LETM2: variants seen among roughly 807,000 people sequenced by gnomAD.
The protein encoded by LETM2 is LETM1 domain-containing protein LETM2, mitochondrial.
In LETM2, 58 loss-of-function variants were observed where a neutral mutation model predicts 59.6. The observed-to-expected ratio is 0.97, with a 90% CI of 0.79 to 1.21. The LOEUF (loss-of-function observed/expected upper bound fraction) is 1.21, where lower values mean the gene tolerates loss of function less well. Ranked by LOEUF, LETM2 falls within the 50% of genes most tolerant of loss-of-function variation. LETM2 has a pLI of 0.00. For synonymous variants in LETM2, 199 were observed against 214.1 expected (o/e 0.93, Z 0.62); for missense variants, 572 against 575.7 (o/e 0.99, Z 0.07).
At chr8:38,402,389 C>A in intron 6 of LETM2, 136 bp from the exon 7 acceptor site, 1 of 856,784 alleles carries the variant, frequency 1.2e-6, no homozygotes, top group Non-Finnish European at 1.8e-6. Context: ...CTCCCTACGT[C>A]GCCTTTGCAG....
intron 4 of LETM2, among the ~76,000 whole-genome samples, chr8:38,399,006 C>T (rs1179901074): frequency 6.6e-6 from 1 of 151,780 alleles, no homozygotes; most frequent in Non-Finnish European, 1.5e-5. Flanking sequence ...CAGGTGTGAG[C>T]CACCTCATCC....
intron 4 of LETM2, among the ~76,000 whole-genome samples, chr8:38,397,942 C>T (rs938108758): frequency 6.6e-6 from 1 of 152,052 alleles, no homozygotes; most frequent in Non-Finnish European, 1.5e-5. Flanking sequence ...GAGCTCAGTA[C>T]GAGCCTGGCC....
At chr8:38,394,024 T>G in intron 3 of LETM2, 74 bp from the exon 4 acceptor site, 1 of 1,176,064 alleles carries the variant, frequency 8.5e-7, no homozygotes, top group Non-Finnish European at 1.1e-6. Flanking sequence ...CAGGGTTTTT[T>G]TGGTTTTGTT....
At chr8:38,384,026 T>C (rs1227822165), upstream of LETM2, among the ~76,000 whole-genome samples, 3 of 152,132 alleles carry the variant, frequency 2.0e-5, no homozygotes, top group Admixed American at 2.0e-4. Flanking sequence ...AGTAAAAGCA[T>C]ACTTTTTATT....
In LETM2 at chr8:38,402,776, A is replaced by T. The variant is rs1260026936; in HGVS notation, c.1104+132A>T. 1.1e-5 allele frequency: 9 copies of T among 845,986 alleles called. No homozygotes were observed. In the Admixed American group the frequency reaches 2.0e-4, roughly 19 times the overall value. The allele number at this position is 845,986 out of a possible 1,614,324, so 52.4% of individuals were successfully genotyped here. Reference sequence around the variant, plus strand: ...TTGCCTTATTTCATTGAGCAGTGGGATGCTGAAGGACTAGGTTGATTTTTC... The same window carrying T: ...TTGCCTTATTTCATTGAGCAGTGGGTTGCTGAAGGACTAGGTTGATTTTTC... On this transcript the variant is annotated intron_variant, in intron 7 of 10. Transcript: ENST00000379957.
intron 2 of LETM2, among the ~76,000 whole-genome samples, chr8:38,391,618 A>T (rs978248695): frequency 2.0e-5 from 3 of 151,758 alleles, no homozygotes; most frequent in Admixed American, 2.0e-4. Flanking sequence ...AAACAATCTG[A>T]TATGGTAGTT....
intron 2 of LETM2, among the ~76,000 whole-genome samples, chr8:38,388,492 C>T (rs373228949): frequency 1.2e-4 from 18 of 149,808 alleles, no homozygotes; most frequent in South Asian, 2.2e-4. Flanking sequence ...GAGGCCAAGG[C>T]GAGCGGATTG....
Position 38,407,355 on chromosome 8 carries a change from G to GT in LETM2, c.1312-4dup, listed in dbSNP as rs1813810766. 4 of 1,593,024 alleles carry GT rather than the reference G, an allele frequency of 2.5e-6. No individual in the cohort carries two copies. The South Asian group carries it at 4.4e-5, about 18-fold the overall frequency. ...CAGTAACCCAACTCTCAGTTCTGATGTTTAAGGATGAAGACTTTATACAGC... is the reference window on the plus strand; with the variant it reads ...CAGTAACCCAACTCTCAGTTCTGATGTTTTAAGGATGAAGACTTTATACAGC... On this transcript the variant is annotated splice_polypyrimidine_tract_variant and splice_region_variant and intron_variant, in intron 9 of 10. Coordinates refer to ENST00000379957, the MANE Select transcript of LETM2 (RefSeq NM_001286819.2).
chr8:38,404,702 A>T (rs908623633), intron 8 of LETM2, 196 bp downstream of exon 8: 2 of 550,060 alleles, frequency 3.6e-6, no homozygotes, highest in African/African-American at 3.8e-5. Context: ...AAGGAAGGCC[A>T]GGCACAGTGG....
Position 38,400,857 on chromosome 8 carries a change from A to G in LETM2, c.788A>G (p.Gln263Arg). The G allele has an allele frequency of 6.2e-7, 1 of 1,614,132 alleles. No homozygotes were observed. Among genetic ancestry groups the G allele is most frequent in the Non-Finnish European group, 8.5e-7 (1 of 1,179,992 alleles). ...TQLSSYVKQV[Q>R]TGHKPSTKEI... ...CCTTTTTGTCCCACTGCATAGGTCCAGACAGGCCACAAGCCCAGCACAAAG... is the reference window on the plus strand; with the variant it reads ...CCTTTTTGTCCCACTGCATAGGTCCGGACAGGCCACAAGCCCAGCACAAAG... The change falls in exon 6 of 11, where the codon CAG (glutamine) becomes CGG (arginine). Residue 263 changes from glutamine (Q) to arginine (R), a missense_variant. Transcript: ENST00000379957.
At chr8:38,392,117 A>G (rs1050279151) in intron 2 of LETM2, among the ~76,000 whole-genome samples, 12 of 152,228 alleles carry the variant, frequency 7.9e-5, no homozygotes, top group African/African-American at 2.9e-4. Flanking sequence ...GTGACCATCA[A>G]ATGTTTCTTT....
chr8:38,383,981 G>T (rs192725009), upstream of LETM2, among the ~76,000 whole-genome samples: 3 of 151,206 alleles, frequency 2.0e-5, no homozygotes, highest in Non-Finnish European at 4.4e-5. Flanking sequence ...ATTTTTAAAC[G>T]TATGCTTTAA....
chr8:38,404,558 T>G, intron 8 of LETM2, 52 bp downstream of exon 8: 1 of 1,088,306 alleles, frequency 9.2e-7, no homozygotes, highest in Non-Finnish European at 1.4e-6. Context: ...CTGAGGCCTC[T>G]CCACAAACAC....
chr8:38,404,437 G>C lies in LETM2; in HGVS notation c.1149G>C (p.Leu383Phe). 6.2e-7 allele frequency: 1 copy of C among 1,614,044 alleles called. No homozygotes were observed. Among genetic ancestry groups the C allele is most frequent in the Non-Finnish European group, 8.5e-7 (1 of 1,179,978 alleles). Residue 383 changes from leucine (L) to phenylalanine (F), a missense_variant, in exon 8 of 11, where the codon TTG becomes TTC. Leu to Phe is a conservative substitution (Grantham distance 22). Coordinates refer to ENST00000379957, the MANE Select transcript of LETM2 (RefSeq NM_001286819.2). ...AGGAGAACGTCCCTCCTTCCCTTTT[G>C]CTCCTGTCCCGCACCTTCTACCTGA... is the stretch of plus-strand genomic sequence containing the variant. Reference protein sequence around the residue: ...HLKENVPPSLLLLSRTFYLID... With the variant: ...HLKENVPPSLFLLSRTFYLID...
At chr8:38,407,174 T>TA in intron 9 of LETM2, 136 bp downstream of exon 9, 1 of 721,452 alleles carries the variant, frequency 1.4e-6, no homozygotes, top group Non-Finnish European at 2.4e-6. Flanking sequence ...ATATTTATTG[T>TA]ACTGTTTGAT....
chr8:38,388,363 A>G (rs1012218033), intron 2 of LETM2, among the ~76,000 whole-genome samples: 1 of 150,714 alleles, frequency 6.6e-6, no homozygotes, highest in Non-Finnish European at 1.5e-5. Context: ...TACAGGCGTG[A>G]GTCACCTCGC....
At chr8:38,406,816 T>C (rs1414326198) in intron 8 of LETM2, 130 bp from the exon 9 acceptor site, 2 of 603,078 alleles carry the variant, frequency 3.3e-6, no homozygotes, top group Admixed American at 2.9e-5. Flanking sequence ...ATAAAGGGTG[T>C]AGCTAGAGGA....
chr8:38,407,567 C>A, intron 10 of LETM2, 104 bp downstream of exon 10: 1 of 757,662 alleles, frequency 1.3e-6, no homozygotes, highest in African/African-American at 1.8e-5. Context: ...AAACACTGCA[C>A]AATTCTTCCT....
intron 4 of LETM2, chr8:38,397,255 C>A (rs1812763463): frequency 2.4e-6 from 1 of 414,528 alleles, no homozygotes; most frequent in Non-Finnish European, 4.8e-6. Context: ...TGGCTCACTG[C>A]AACCTCCGCC....
Sources: gnomAD v4.1 joint callset for allele counts (sites outside exome capture counted in the v4.1 genomes callset) on GRCh38, gnomAD v4.1.1 for gene constraint, MANE v1.5 for transcripts, NCBI Gene and HGNC (gene_info 2026-07-23, HGNC 2026-07-21) for gene names.